The following TMC2 variants were observed in gnomAD, a reference collection of about 807,000 sequenced individuals.
TMC2 encodes the protein transmembrane channel-like protein 2.
TMC2 carries 102 observed loss-of-function variants against 105.9 expected under a neutral mutation model. That is an observed-to-expected ratio of 0.96 (90% CI 0.82 to 1.14). The LOEUF is 1.14. Ranked by LOEUF, TMC2 falls within the 50% of genes most tolerant of loss-of-function variation. The probability of loss-of-function intolerance (pLI) is 0.00; values close to 1 mark genes in which losing one functional copy is unlikely to be tolerated. For missense variants in TMC2, 1,093 were observed against 1,134.3 expected (o/e 0.96, Z 0.52); for synonymous variants, 402 against 422.8 (o/e 0.95, Z 0.60).
chr20:2,556,099 T>C (rs555634782), intron 2 of TMC2, among the ~76,000 whole-genome samples: 10 of 151,512 alleles, frequency 6.6e-5, no homozygotes, highest in Admixed American at 1.3e-4. Context: ...TTTATTTTTA[T>C]TTTTTTTGAG....
At position 2,565,202 on chromosome 20, in the gene TMC2, G is replaced by A. The variant is rs1405545923; in HGVS notation, c.554+3192G>A. 3.9e-5 allele frequency among the ~76,000 whole-genome samples: 6 copies of A among 152,316 alleles called. No homozygotes were observed. The East Asian group carries it at 7.7e-4, about 20-fold the overall frequency. On this transcript the variant is annotated intron_variant, in intron 4 of 19. Transcript: ENST00000358864. ...TTTTTATATACAGCCAGTCTTTGCT[G>A]GGCATGCCCTTTGTGCCAGGCACTG... is the stretch of plus-strand genomic sequence containing the variant.
intron 5 of TMC2, among the ~76,000 whole-genome samples, chr20:2,576,441 G>C (rs536877114): frequency 6.6e-6 from 1 of 152,324 alleles, no homozygotes; most frequent in African/African-American, 2.4e-5. Flanking sequence ...TTGAGGGGCT[G>C]TCAGGTGGTT....
At chr20:2,536,760 G>C (rs1568497740) in intron 1 of TMC2, 105 bp downstream of exon 1, 1 of 1,306,874 alleles carries the variant, frequency 7.7e-7, no homozygotes, top group Non-Finnish European at 1.1e-6. Context: ...GGAGGAGCTG[G>C]GTTTGAGTCC....
intron 7 of TMC2, among the ~76,000 whole-genome samples, chr20:2,580,312 C>T (rs1297844106): frequency 6.6e-6 from 1 of 152,068 alleles, no homozygotes; most frequent in Non-Finnish European, 1.5e-5. Flanking sequence ...TACTTTTGCA[C>T]CAACCTACGA....
intron 7 of TMC2, among the ~76,000 whole-genome samples, chr20:2,585,630 C>A (rs1296909555): frequency 2.0e-5 from 3 of 152,188 alleles, no homozygotes; most frequent in African/African-American, 7.2e-5. Flanking sequence ...TCAGAAGATA[C>A]AATTTCAAGC....
rs1370124566 is a variant in TMC2, at chr20:2,572,960, A to T, written c.645+691A>T. Among the ~76,000 whole-genome samples, 4 of 151,354 alleles carry T rather than the reference A, an allele frequency of 2.6e-5. No homozygotes were observed. The East Asian group carries it at 7.8e-4, about 30-fold the overall frequency. On this transcript the variant is annotated intron_variant, in intron 5 of 19. Coordinates refer to ENST00000358864, the MANE Select transcript of TMC2 (RefSeq NM_080751.3). Reference sequence around the variant, plus strand: ...TTTAGAAACAGAGTCTCACTCTGCCACTAAGGCTGGAGTGCAGCGTCACCA... The same window carrying T: ...TTTAGAAACAGAGTCTCACTCTGCCTCTAAGGCTGGAGTGCAGCGTCACCA...
At chr20:2,542,500 A>G (rs2085896278) in intron 2 of TMC2, among the ~76,000 whole-genome samples, 1 of 152,186 alleles carries the variant, frequency 6.6e-6, no homozygotes, top group African/African-American at 2.4e-5. Context: ...TTAGTCCAAA[A>G]GGGCAGAGGA....
At chr20:2,594,225 C>CTTTTTTTTTTTTTTTTTTTTTTTTTTT (rs565664102) in intron 8 of TMC2, among the ~76,000 whole-genome samples, 1 of 113,760 alleles carries the variant, frequency 8.8e-6, no homozygotes, top group African/African-American at 3.2e-5. Flanking sequence ...CTAAGGATTC[C>CTTTTTTTTTTTTTTTTTTTTTTTTTTT]TTTTTTTTTT....
chr20:2,615,272 G>C (rs1188968777), intron 14 of TMC2, among the ~76,000 whole-genome samples: 2 of 152,218 alleles, frequency 1.3e-5, no homozygotes, highest in Non-Finnish European at 2.9e-5. Context: ...AGTGAGCTGA[G>C]ATTGTGCCAC....
intron 17 of TMC2, 35 bp from the exon 18 acceptor site, chr20:2,635,891 C>G (rs758401828): frequency 6.4e-7 from 1 of 1,562,676 alleles, no homozygotes; most frequent in Admixed American, 1.7e-5. Flanking sequence ...CTGCCAAGAT[C>G]ACGGGACCAT....
In TMC2 at chr20:2,559,294, A is replaced by G. The variant is rs571121543; in HGVS notation, c.401+520A>G. On this transcript the variant is annotated intron_variant, in intron 3 of 19. Coordinates refer to ENST00000358864, the MANE Select transcript of TMC2 (RefSeq NM_080751.3). ...GGTCCAGGAGACCTTCAAGGATGCT[A>G]CCAGCTCTGAAATTCTGGAGCTTGG... Among the ~76,000 whole-genome samples, 4 of 152,306 alleles carry G rather than the reference A, an allele frequency of 2.6e-5. No homozygotes were observed. The South Asian group carries it at 8.3e-4, about 32-fold the overall frequency.
In TMC2 at chr20:2,597,189, A is replaced by G; in HGVS notation, c.1115A>G (p.Glu372Gly). 1 of 1,614,112 alleles carries G rather than the reference A, an allele frequency of 6.2e-7. No individual in the cohort carries two copies. Among genetic ancestry groups the G allele is most frequent in the Non-Finnish European group, 8.5e-7 (1 of 1,179,966 alleles). Reference sequence around the variant, plus strand: ...ACCCAAGGAAGCACAGGCGAAGGGGAGAGTGACAACTTCACATTCAGCTTC... The same window carrying G: ...ACCCAAGGAAGCACAGGCGAAGGGGGGAGTGACAACTTCACATTCAGCTTC... ...SNTQGSTGEG[E>G]SDNFTFSFKM... is the part of the protein sequence containing the mutation. Residue 372 changes from glutamate (E) to glycine (G), a missense_variant, in exon 10 of 20, where the codon GAG (glutamate) becomes GGG (glycine). By Grantham distance (98) the Glu-to-Gly change is moderately conservative (BLOSUM62 -2). Transcript: ENST00000358864.
chr20:2,624,519 C>G (rs1334982579), intron 17 of TMC2, 123 bp downstream of exon 17: 6 of 1,167,272 alleles, frequency 5.1e-6, no homozygotes, highest in Non-Finnish European at 4.8e-6. Context: ...GAATCCATGA[C>G]AAGGATTCAA....
chr20:2,632,584 G>T (rs750123204), intron 17 of TMC2, among the ~76,000 whole-genome samples: 3 of 151,548 alleles, frequency 2.0e-5, no homozygotes, highest in Admixed American at 6.6e-5. Flanking sequence ...GATTTTTGGG[G>T]TTTTTTGTTT....
Position 2,594,953 on chromosome 20 carries a change from T to C in TMC2, c.1062T>C (p.Ile354=), listed in dbSNP as rs1273276927. Residue 354 remains isoleucine, a synonymous_variant, in exon 9 of 20, where the codon ATT becomes ATC. Coordinates refer to ENST00000358864, the MANE Select transcript of TMC2 (RefSeq NM_080751.3). ...VGVSVFGYSL[I]IVIRSMASNT... ...TCAGCGTGTTCGGCTACAGCCTGAT[T>C]ATTGTCATTCGATCGTAAGTATGAC... 12 of 1,613,920 alleles carry C rather than the reference T, an allele frequency of 7.4e-6. No homozygotes were observed. Among genetic ancestry groups the C allele is most frequent in the Non-Finnish European group, 8.5e-6 (10 of 1,179,914 alleles).
intron 6 of TMC2, 37 bp from the exon 7 acceptor site, chr20:2,579,913 C>T (rs1182212947): frequency 7.0e-7 from 1 of 1,433,358 alleles, no homozygotes; most frequent in Admixed American, 1.7e-5. Flanking sequence ...TTTTTTCCTT[C>T]TGCAGCACTC....
intron 6 of TMC2, 134 bp from the exon 7 acceptor site, chr20:2,579,816 G>A: frequency 1.7e-6 from 1 of 579,618 alleles, no homozygotes; most frequent in Non-Finnish European, 3.1e-6. Context: ...TATTTATCCA[G>A]GAAAAGAAAG....
rs753012129 is a variant in TMC2 at position 2,592,279 on chromosome 20, TC to T, written c.835-30del. Reference sequence around the variant, plus strand: ...CTCTGTGTGTTTGTATTTCCTCCACTCATACTTGTGTCATTGTGTTTCTGCA... The same window carrying T: ...CTCTGTGTGTTTGTATTTCCTCCACTATACTTGTGTCATTGTGTTTCTGCA... On this transcript the variant is annotated intron_variant, in intron 7 of 19. Coordinates refer to ENST00000358864, the MANE Select transcript of TMC2 (RefSeq NM_080751.3). This position sits in a 1 kb window ranked among gnomAD's most constrained non-coding sequence, Gnocchi z 4.9. The T allele has an allele frequency of 6.9e-7, 1 of 1,443,396 alleles. No homozygotes were observed. The highest frequency in any genetic ancestry group is 1.2e-5 in the South Asian group (1 of 86,900). 89.4% of individuals were successfully genotyped at this position (1,443,396 alleles called of 1,614,324 possible).
chr20:2,552,032 G>A (rs1370576150), intron 2 of TMC2, among the ~76,000 whole-genome samples: 2 of 152,072 alleles, frequency 1.3e-5, no homozygotes, highest in Non-Finnish European at 2.9e-5. Context: ...GCCAAACTGG[G>A]AGGATTGTTT....
Sources: allele counts gnomAD v4.1 joint callset (sites outside exome capture counted in the v4.1 genomes callset), GRCh38; gene constraint gnomAD v4.1.1; non-coding constraint Gnocchi (gnomAD v3.1); transcripts MANE v1.5; gene names NCBI Gene and HGNC (gene_info 2026-07-23, HGNC 2026-07-21).